The following SHPRH variants were observed in gnomAD, a reference collection of about 807,000 sequenced individuals.
SHPRH encodes the protein SNF2 histone linker PHD RING helicase.
Under a neutral mutation model 202.5 loss-of-function variants are expected in SHPRH, and 106 were observed. The ratio of observed to expected loss-of-function variants is 0.52; its 90% CI spans 0.45 to 0.62. The LOEUF is 0.62. SHPRH is among the 20% of genes least tolerant of loss of function. The pLI is 0.00. For missense variants in SHPRH, 1,710 were observed against 2,020.0 expected, an observed-to-expected ratio of 0.85 and a Z score of 2.94; for synonymous variants, 729 against 686.0, an observed-to-expected ratio of 1.06 and a Z score of -0.98.
Position 145,922,765 on chromosome 6 carries a change from A to C in SHPRH, c.3617T>G (p.Leu1206Arg). Reference sequence around the variant, plus strand: ...CAGGTTTTTTACAGCCTCTCTTACTAGCTTCTGGCATTTATTTAGCTCTTC... The same window carrying C: ...CAGGTTTTTTACAGCCTCTCTTACTCGCTTCTGGCATTTATTTAGCTCTTC... ...QMEELNKCQK[L>R]VREAVKNLEG... is the part of the protein sequence containing the mutation. Residue 1206 changes from leucine to arginine, a missense_variant, in exon 19 of 30, where the codon CTA becomes CGA. This residue lies in a region of SHPRH where 288 missense variants were observed against 317.8 expected (regional missense o/e 0.91). Coordinates refer to ENST00000275233, the MANE Select transcript of SHPRH (RefSeq NM_001042683.3). 6.2e-7 allele frequency: 1 copy of C among 1,612,144 alleles called. No individual in the cohort carries two copies. The highest frequency in any genetic ancestry group is 8.5e-7 in the Non-Finnish European group (1 of 1,178,816).
chr6:145,893,775 C>T (rs1436296755), intron 27 of SHPRH, among the ~76,000 whole-genome samples: 1 of 152,054 alleles, frequency 6.6e-6, no homozygotes, highest in Admixed American at 6.6e-5. Flanking sequence ...GGTCATACGC[C>T]TGTCACTGTG....
intron 24 of SHPRH, 53 bp from the exon 25 acceptor site, chr6:145,910,689 A>G: frequency 1.4e-6 from 2 of 1,442,266 alleles, no homozygotes; most frequent in Non-Finnish European, 1.8e-6. Context: ...CTTACAATTT[A>G]TAAGCATATT....
chr6:145,895,035 T>C, intron 25 of SHPRH, 58 bp from the exon 26 acceptor site: 1 of 1,504,068 alleles, frequency 6.6e-7, no homozygotes, highest in Non-Finnish European at 9.2e-7. Context: ...AAGAACAGAA[T>C]AGAAAAGCAA....
intron 23 of SHPRH, among the ~76,000 whole-genome samples, chr6:145,913,932 T>C (rs1783718383): frequency 6.6e-6 from 1 of 152,158 alleles, no homozygotes; most frequent in Non-Finnish European, 1.5e-5. Flanking sequence ...ATTGAACCAA[T>C]GAATTATTCT....
intron 2 of SHPRH, 122 bp downstream of exon 2, chr6:145,954,568 A>C (rs1788303798): frequency 1.0e-6 from 1 of 1,001,528 alleles, no homozygotes; most frequent in Non-Finnish European, 1.5e-6. Flanking sequence ...CTTAAAGTGT[A>C]CTTTGAAACT....
At chr6:145,916,343 TG>T (rs1297851411) in intron 23 of SHPRH, among the ~76,000 whole-genome samples, 2 of 152,140 alleles carry the variant, frequency 1.3e-5, no homozygotes, top group African/African-American at 4.8e-5. Context: ...AAATGCTCAC[TG>T]GAGCATTTCC....
chr6:145,946,248 T>C lies in SHPRH; in HGVS notation c.1306A>G (p.Lys436Glu). 1 of 1,609,018 alleles carries C rather than the reference T, an allele frequency of 6.2e-7. No homozygotes were observed. ...IQNIEFEPKE[K>E]VQCPPTRVMI... ...TCTTACTTACGAGGGCATTGAACTT[T>C]TTCTTTTGGTTCAAATTCGATATTC... Residue 436 changes from lysine (K) to glutamate (E), a missense_variant, in exon 7 of 30, where the codon AAA becomes GAA. By Grantham distance (56) the Lys-to-Glu change is moderately conservative. This residue lies in a region of SHPRH where 348 missense variants were observed against 356.9 expected (regional missense o/e 0.97). Transcript: ENST00000275233.
chr6:145,943,708 T>A lies in SHPRH; in HGVS notation c.1673A>T (p.Asp558Val). Residue 558 changes from aspartate to valine, a missense_variant, in exon 9 of 30, where the codon GAT becomes GTT. This residue lies in a region of SHPRH where 348 missense variants were observed against 356.9 expected (regional missense o/e 0.97). Coordinates refer to ENST00000275233, the MANE Select transcript of SHPRH (RefSeq NM_001042683.3). Reference sequence around the variant, plus strand: ...ATAATAATAGTAAGGATCATCATCATCATCAGAGGTGTCTGATGGCAAGTA... The same window carrying A: ...ATAATAATAGTAAGGATCATCATCAACATCAGAGGTGTCTGATGGCAAGTA... The part of the protein sequence containing the change: ...SEYLPSDTSD[D>V]DDDPYYYYYK... 6.2e-7 allele frequency: 1 copy of A among 1,613,580 alleles called. No homozygotes were observed. Among genetic ancestry groups the A allele is most frequent in the Non-Finnish European group, 8.5e-7 (1 of 1,179,748 alleles).
At chr6:145,952,300 C>A in intron 3 of SHPRH, 49 bp downstream of exon 3, 1 of 1,510,504 alleles carries the variant, frequency 6.6e-7, no homozygotes, top group Non-Finnish European at 8.9e-7. Flanking sequence ...GAGGAAAAAA[C>A]TCACAACTCC....
At chr6:145,929,341 A>G (rs1785199952) in intron 14 of SHPRH, among the ~76,000 whole-genome samples, 4 of 152,002 alleles carry the variant, frequency 2.6e-5, no homozygotes, top group Admixed American at 2.6e-4. Flanking sequence ...TGGAATAATA[A>G]AATGTGTTTA....
Position 145,943,089 on chromosome 6 carries a change from T to C in SHPRH, c.2238+54A>G, listed in dbSNP as rs905193734. ...AGAAACAAAGATTAGGAAACTATCATGAAGAAGCAAAACTTTACATTTTCC... is the reference window on the plus strand; with the variant it reads ...AGAAACAAAGATTAGGAAACTATCACGAAGAAGCAAAACTTTACATTTTCC... On this transcript the variant is annotated intron_variant, in intron 9 of 29. Coordinates refer to ENST00000275233, the MANE Select transcript of SHPRH (RefSeq NM_001042683.3). 5 of 1,507,266 alleles carry C rather than the reference T, an allele frequency of 3.3e-6. No individual in the cohort carries two copies. In the African/African-American group the frequency reaches 4.2e-5, roughly 13 times the overall value. 93.4% of individuals were successfully genotyped at this position (1,507,266 alleles called of 1,614,324 possible).
intron 2 of SHPRH, among the ~76,000 whole-genome samples, chr6:145,868,251 C>A (rs547832723): frequency 6.6e-6 from 1 of 152,188 alleles, no homozygotes; most frequent in African/African-American, 2.4e-5. Context: ...TAAATTACCT[C>A]TTTAAAGGCA....
chr6:145,947,086 A>T (rs1250917604), intron 6 of SHPRH, among the ~76,000 whole-genome samples: 1 of 152,092 alleles, frequency 6.6e-6, no homozygotes, highest in East Asian at 1.9e-4. Flanking sequence ...GTTCTTTAAC[A>T]AAGTTCTAAT....
intron 22 of SHPRH, 79 bp from the exon 23 acceptor site, chr6:145,918,311 G>C: frequency 1.1e-6 from 1 of 877,128 alleles, no homozygotes; most frequent in Non-Finnish European, 1.6e-6. Flanking sequence ...CAATTCTCCA[G>C]TAATACAAAT....
intron 14 of SHPRH, among the ~76,000 whole-genome samples, chr6:145,930,683 T>C (rs1020509931): frequency 4.6e-5 from 7 of 152,178 alleles, no homozygotes; most frequent in African/African-American, 1.7e-4. Flanking sequence ...TTGAAAACAA[T>C]GTATATTCCT....
intron 1 of SHPRH, among the ~76,000 whole-genome samples, chr6:145,962,070 G>A (rs1478071180): frequency 3.3e-5 from 5 of 151,920 alleles, no homozygotes; most frequent in Non-Finnish European, 7.4e-5. Flanking sequence ...ACGTAATTAT[G>A]TGAAGTTTTC....
chr6:145,954,682 C>CT lies in SHPRH; in HGVS notation c.633+7dup, dbSNP rs755325182. 1 of 1,555,682 alleles carries CT rather than the reference C, an allele frequency of 6.4e-7. No individual in the cohort carries two copies. The highest frequency in any genetic ancestry group is 1.4e-5 in the African/African-American group (1 of 72,218). On this transcript the variant is annotated splice_region_variant and intron_variant, in intron 2 of 29. Transcript: ENST00000275233. ...GCCTCAAAAAAGACACCACAAAAAACTGAGTACCTTGATAATGTGATTTCC... is the reference window on the plus strand; with the variant it reads ...GCCTCAAAAAAGACACCACAAAAAACTTGAGTACCTTGATAATGTGATTTCC...
chr6:145,954,863 G>T lies in SHPRH; in HGVS notation c.460C>A (p.His154Asn), dbSNP rs200714044. ...ESSNQFLIYVHSKGEDVEKQK... is the reference protein window; with the variant it reads ...ESSNQFLIYVNSKGEDVEKQK... ...TTCTCTACATCTTCACCTTTTGAAT[G>T]AACATAAATCAGGAACTGATTGCTT... Residue 154 changes from histidine to asparagine, a missense_variant, in exon 2 of 30, where the codon CAT becomes AAT. Physicochemically the swap from His to Asn is moderately conservative, Grantham distance 68. Transcript: ENST00000275233. 1,101 of 1,613,380 alleles carry T rather than the reference G, an allele frequency of 6.8e-4. 2 individuals are homozygous for T. The highest frequency in any genetic ancestry group is 8.7e-4 in the Non-Finnish European group (1,026 of 1,179,844).
intron 23 of SHPRH, among the ~76,000 whole-genome samples, chr6:145,915,757 T>A (rs1212233798): frequency 6.6e-6 from 1 of 152,014 alleles, no homozygotes; most frequent in East Asian, 1.9e-4. Context: ...ATTTCTATTT[T>A]TCATTATTTT....
Sources: gnomAD v4.1 joint callset for allele counts (sites outside exome capture counted in the v4.1 genomes callset) on GRCh38, gnomAD v4.1.1 for gene constraint, gnomAD v4.1.1 regional missense constraint, MANE v1.5 for transcripts, NCBI Gene and HGNC (gene_info 2026-07-23, HGNC 2026-07-21) for gene names.